Variants in ERCC6 observed in about 807,000 individuals in gnomAD.
The protein encoded by ERCC6 is DNA excision repair protein ERCC-6.
In ERCC6, 116 loss-of-function variants were observed where a neutral mutation model predicts 158.7. The ratio of observed to expected loss-of-function variants is 0.73; its 90% CI spans 0.63 to 0.85. The LOEUF (loss-of-function observed/expected upper bound fraction) is 0.85. ERCC6 is among the 40% of genes least tolerant of loss of function. The pLI is 0.00. For synonymous variants in ERCC6, 678 were observed against 659.3 expected (o/e 1.03, Z -0.43); for missense variants, 1,698 against 1,799.4 (o/e 0.94, Z 1.02).
chr10:49,531,525 C>A (rs1376885988), intron 2 of ERCC6, among the ~76,000 whole-genome samples: 2 of 152,192 alleles, frequency 1.3e-5, no homozygotes, highest in African/African-American at 4.8e-5. Flanking sequence ...ATGCCACCAG[C>A]CATCTAGCAT....
At chr10:49,520,137 G>C (rs1001777752) in intron 5 of ERCC6, among the ~76,000 whole-genome samples, 1 of 152,210 alleles carries the variant, frequency 6.6e-6, no homozygotes, top group Non-Finnish European at 1.5e-5. Context: ...CCAAAAAAGA[G>C]AAATACATAA....
chr10:49,462,217 C>T (rs111719182), intron 18 of ERCC6, among the ~76,000 whole-genome samples: 148 of 152,226 alleles, frequency 9.7e-4, no homozygotes, highest in African/African-American at 3.4e-3. Context: ...ATAGATTGAA[C>T]TGCATTTGGA....
chr10:49,506,060 A>G (rs1445593055), intron 5 of ERCC6, 48 bp from the exon 6 acceptor site: 4 of 1,604,126 alleles, frequency 2.5e-6, no homozygotes, highest in Non-Finnish European at 3.4e-6. Flanking sequence ...ATCACAAGAC[A>G]GATTTAAAAA....
the ERCC6 span, among the ~76,000 whole-genome samples, chr10:49,447,414 G>C: frequency 2.0e-4 from 31 of 152,142 alleles, no homozygotes; most frequent in Admixed American, 1.9e-3. Context: ...CCAGCTGGGC[G>C]TGGTGGCTCA....
At chr10:49,489,900 T>G (rs1458250866) in intron 8 of ERCC6, among the ~76,000 whole-genome samples, 1 of 152,222 alleles carries the variant, frequency 6.6e-6, no homozygotes, top group Non-Finnish European at 1.5e-5. Context: ...TTAAGGTTAG[T>G]TAAAAACATC....
At chr10:49,538,331 G>C (rs1311488133) in intron 1 of ERCC6, among the ~76,000 whole-genome samples, 1 of 152,222 alleles carries the variant, frequency 6.6e-6, no homozygotes, top group Non-Finnish European at 1.5e-5. Flanking sequence ...CAGTGCAATG[G>C]AATGACTCTG....
chr10:49,524,524 G>A lies in ERCC6; in HGVS notation c.906C>T (p.Val302=). The A allele has an allele frequency of 6.2e-7, 1 of 1,614,182 alleles. No individual in the cohort carries two copies. Among genetic ancestry groups the A allele is most frequent in the African/African-American group, 1.3e-5 (1 of 75,060 alleles). ...KRAARKAPAP[V]TPPAPVQNKN... is the part of the protein sequence containing the mutation. ...TATTTTGCACTGGGGCTGGAGGCGTGACTGGGGCTGGAGCTTTTCTAGCTG... is the reference window on the plus strand; with the variant it reads ...TATTTTGCACTGGGGCTGGAGGCGTAACTGGGGCTGGAGCTTTTCTAGCTG... The change falls in exon 5 of 21, where the codon GTC becomes GTT. Residue 302 remains valine, a synonymous_variant. Transcript: ENST00000355832.
At chr10:49,489,679 GGA>G (rs913269504) in intron 8 of ERCC6, among the ~76,000 whole-genome samples, 1 of 152,244 alleles carries the variant, frequency 6.6e-6, no homozygotes, top group East Asian at 1.9e-4. Flanking sequence ...AAAAAAGGTA[GGA>G]GAGAGACAAC....
At chr10:49,468,148 A>G (rs1267728075) in intron 18 of ERCC6, among the ~76,000 whole-genome samples, 2 of 152,316 alleles carry the variant, frequency 1.3e-5, no homozygotes, top group East Asian at 1.9e-4. Context: ...AGGCCTTTTC[A>G]CTGACCTTAA....
chr10:49,471,546 T>C (rs963300532), intron 16 of ERCC6, among the ~76,000 whole-genome samples: 1 of 152,070 alleles, frequency 6.6e-6, no homozygotes, highest in Non-Finnish European at 1.5e-5. Context: ...GACCTCTCTC[T>C]CCCTGCTCCC....
chr10:49,524,054 T>C lies in ERCC6; in HGVS notation c.1376A>G (p.Asp459Gly), dbSNP rs1249706413. 6.2e-7 allele frequency: 1 copy of C among 1,613,450 alleles called. No individual in the cohort carries two copies. Among genetic ancestry groups the C allele is most frequent in the African/African-American group, 1.3e-5 (1 of 74,834 alleles). The change falls in exon 5 of 21, where the codon GAT (aspartate) becomes GGT (glycine). Residue 459 changes from aspartate to glycine, a missense_variant. Transcript: ENST00000355832. ...CGACCTTAACCGCTGCTTATAATAA[T>C]CTTCATCTCCATCATCTCGGTATCT... ...VGRYRDDGDE[D>G]YYKQRLRRWN...
intron 4 of ERCC6, 74 bp from the exon 5 acceptor site, chr10:49,524,851 T>C: frequency 6.3e-7 from 1 of 1,580,010 alleles, no homozygotes; most frequent in Non-Finnish European, 8.5e-7. Context: ...GCTCACTCTT[T>C]CAAGAAATAT....
At chr10:49,519,235 G>GATGT (rs889510944) in intron 5 of ERCC6, among the ~76,000 whole-genome samples, 30 of 152,204 alleles carry the variant, frequency 2.0e-4, no homozygotes, top group African/African-American at 6.8e-4. Context: ...ACAAAGGGAA[G>GATGT]GAAACATGTA....
At chr10:49,484,715 A>G (rs1217616712) in intron 8 of ERCC6, among the ~76,000 whole-genome samples, 22 of 152,254 alleles carry the variant, frequency 1.4e-4, no homozygotes, top group Non-Finnish European at 3.2e-4. Context: ...ATTCCAGGCT[A>G]GACAACGGCG....
intron 1 of ERCC6, 80 bp from the exon 2 acceptor site, chr10:49,533,058 C>A (rs1292110226): frequency 1.4e-6 from 2 of 1,476,090 alleles, no homozygotes; most frequent in Non-Finnish European, 1.8e-6. Flanking sequence ...TTAGAGCAGA[C>A]TGATTTCTCA....
intron 5 of ERCC6, among the ~76,000 whole-genome samples, chr10:49,512,828 C>T (rs1205887319): frequency 1.3e-5 from 2 of 152,202 alleles, no homozygotes; most frequent in South Asian, 2.1e-4. Context: ...TGAGACCCAA[C>T]ATATGAGGTC....
chr10:49,458,909 G>A lies in ERCC6; in HGVS notation c.4388C>T (p.Ser1463Phe). Residue 1463 changes from serine to phenylalanine, a missense_variant, in exon 21 of 21, where the codon TCT (serine) becomes TTT (phenylalanine). Physicochemically the swap from Ser to Phe is radical, Grantham distance 155. Transcript: ENST00000355832. ...TCTCAATAGTTCTCGGAAGACACAA[G>A]ACTGTGATGCAGATAACTTGGATTC... ...EFESKLSASQ[S>F]CVFRELLRNL... 6.2e-7 allele frequency: 1 copy of A among 1,614,216 alleles called. No homozygotes were observed. Among genetic ancestry groups the A allele is most frequent in the Non-Finnish European group, 8.5e-7 (1 of 1,180,026 alleles).
intron 5 of ERCC6, among the ~76,000 whole-genome samples, chr10:49,512,386 A>AT (rs1272030326): frequency 2.6e-5 from 4 of 152,220 alleles, no homozygotes; most frequent in African/African-American, 9.6e-5. Context: ...ACCAAGGGGC[A>AT]TGTTGCACGG....
At chr10:49,537,342 C>CAAAAAAAA (rs368235215) in intron 1 of ERCC6, among the ~76,000 whole-genome samples, 1 of 86,736 alleles carries the variant, frequency 1.2e-5, no homozygotes, top group Non-Finnish European at 2.7e-5. Flanking sequence ...GACTCCGTCT[C>CAAAAAAAA]AAAAAAAAAA....
Sources: gnomAD v4.1 joint callset for allele counts (sites outside exome capture counted in the v4.1 genomes callset) on GRCh38, gnomAD v4.1.1 for gene constraint, MANE v1.5 for transcripts, NCBI Gene and HGNC (gene_info 2026-07-23, HGNC 2026-07-21) for gene names.